Variants in ANK2 observed in about 807,000 individuals in gnomAD.
ANK2 encodes the protein ankyrin 2.
In ANK2, 83 loss-of-function variants were observed where a neutral mutation model predicts 360.5. The ratio of observed to expected loss-of-function variants is 0.23; its 90% CI spans 0.19 to 0.28. ANK2 has a LOEUF of 0.28. Ranked by LOEUF, ANK2 falls within the 10% of genes least tolerant of loss-of-function variation. The pLI is 1.00. For synonymous variants in ANK2, 1,740 were observed against 1,759.5 expected (o/e 0.99, Z 0.28); for missense variants, 4,201 against 4,795.7 (o/e 0.88, Z 3.66).
At chr4:112,930,504 AC>A (rs1234854893) in intron 2 of ANK2, among the ~76,000 whole-genome samples, 1 of 151,656 alleles carries the variant, frequency 6.6e-6, no homozygotes, top group Non-Finnish European at 1.5e-5. Flanking sequence ...TGCTACCTCT[AC>A]CCAGGCAGGG....
intron 24 of ANK2, among the ~76,000 whole-genome samples, chr4:113,313,866 A>G (rs1010796370): frequency 6.6e-6 from 1 of 152,150 alleles, no homozygotes; most frequent in African/African-American, 2.4e-5. Context: ...TAAAATAAAT[A>G]TTTTTATGTA....
At chr4:113,225,801 A>G (rs1439446854) in intron 4 of ANK2, among the ~76,000 whole-genome samples, 1 of 152,208 alleles carries the variant, frequency 6.6e-6, no homozygotes, top group African/African-American at 2.4e-5. Context: ...TCAATTTGTC[A>G]AGATAATCCA....
chr4:112,743,921 C>G, the ANK2 span, among the ~76,000 whole-genome samples: 4 of 151,852 alleles, frequency 2.6e-5, no homozygotes, highest in African/African-American at 9.7e-5. Flanking sequence ...CTCTGCCTGC[C>G]GGGTTCATCC....
At chr4:112,865,950 T>C (rs2070347861) in intron 1 of ANK2, among the ~76,000 whole-genome samples, 1 of 152,210 alleles carries the variant, frequency 6.6e-6, no homozygotes, top group Admixed American at 6.5e-5. Context: ...TAAACAATGT[T>C]TTGTGTGAAA....
At chr4:113,136,173 A>C (rs570491070) in intron 1 of ANK2, among the ~76,000 whole-genome samples, 62 of 152,282 alleles carry the variant, frequency 4.1e-4, no homozygotes, top group African/African-American at 1.2e-3. Context: ...ACTAGGGACA[A>C]ACAGACAAAT....
In ANK2 at chr4:113,341,929, AAATAAT is replaced by A. The variant is rs770262538; in HGVS notation, c.4122+23_4122+28del. ...CAGGGATGTGGAGGTACTGTACCAA[AAATAAT>A]AATAATAATTTATGCCATGTTGTTA... On this transcript the variant is annotated intron_variant, in intron 33 of 45. Transcript: ENST00000357077. 6.4e-7 allele frequency: 1 copy of A among 1,556,342 alleles called. No homozygotes were observed. The highest frequency in any genetic ancestry group is 8.8e-7 in the Non-Finnish European group (1 of 1,131,894).
At chr4:112,918,774 G>A (rs912916642) in intron 2 of ANK2, among the ~76,000 whole-genome samples, 2 of 152,024 alleles carry the variant, frequency 1.3e-5, no homozygotes, top group Admixed American at 6.6e-5. Context: ...TTTGCTTTCT[G>A]TTTTTGAAAA....
chr4:112,845,927 A>T (rs986809701), intron 1 of ANK2, among the ~76,000 whole-genome samples: 2 of 152,188 alleles, frequency 1.3e-5, no homozygotes, highest in Admixed American at 1.3e-4. Context: ...GGCGTGCCCA[A>T]CCAGATCCAG....
chr4:113,086,537 C>T (rs1026116455), intron 1 of ANK2, among the ~76,000 whole-genome samples: 4 of 152,174 alleles, frequency 2.6e-5, no homozygotes, highest in African/African-American at 9.7e-5. Flanking sequence ...AAAGTCCATG[C>T]CCTTGTGGCA....
chr4:113,237,394 T>G (rs2099391884), intron 6 of ANK2, among the ~76,000 whole-genome samples: 1 of 152,256 alleles, frequency 6.6e-6, no homozygotes, highest in Non-Finnish European at 1.5e-5. Context: ...TTTAGAAATC[T>G]GCTTTCTTAT....
chr4:113,293,874 C>T (rs29338), intron 22 of ANK2, among the ~76,000 whole-genome samples: 6 of 152,254 alleles, frequency 3.9e-5, no homozygotes, highest in South Asian at 2.1e-4. Context: ...GCTGGCAAAG[C>T]GGTAACACAC....
intron 1 of ANK2, among the ~76,000 whole-genome samples, chr4:113,110,050 G>A (rs1162751024): frequency 1.3e-5 from 2 of 152,230 alleles, no homozygotes; most frequent in East Asian, 3.9e-4. Context: ...TTATTAGTCC[G>A]TTCTCATACT....
At chr4:113,096,834 C>T (rs1277534523) in intron 1 of ANK2, among the ~76,000 whole-genome samples, 1 of 151,980 alleles carries the variant, frequency 6.6e-6, no homozygotes, top group Non-Finnish European at 1.5e-5. Context: ...TGCCACAATA[C>T]TTATGCAAGT....
At chr4:112,728,570 G>T in the ANK2 span, among the ~76,000 whole-genome samples, 1 of 151,796 alleles carries the variant, frequency 6.6e-6, no homozygotes, top group African/African-American at 2.4e-5. Flanking sequence ...GGGCAAAATG[G>T]CAAAACCCTG....
the ANK2 span, among the ~76,000 whole-genome samples, chr4:112,809,256 A>T: frequency 6.6e-6 from 1 of 150,940 alleles, no homozygotes; most frequent in Non-Finnish European, 1.5e-5. Context: ...TTAAATGTTA[A>T]ATGGTTAGAA....
intron 2 of ANK2, among the ~76,000 whole-genome samples, chr4:112,915,768 AT>A (rs201979095): frequency 0.011 from 1,660 of 149,812 alleles, 32 homozygotes; most frequent in African/African-American, 0.04. Context: ...AAAAAAATAA[AT>A]AAATAAATAA....
intron 2 of ANK2, 31 bp from the exon 3 acceptor site, chr4:113,196,336 CT>C (rs2098747809): frequency 6.4e-7 from 1 of 1,574,052 alleles, no homozygotes; most frequent in African/African-American, 1.3e-5. Context: ...CATTACTTCA[CT>C]TCTTAAAGCC....
chr4:112,952,926 G>A (rs2095117889), intron 2 of ANK2, among the ~76,000 whole-genome samples: 1 of 152,160 alleles, frequency 6.6e-6, no homozygotes, highest in African/African-American at 2.4e-5. Context: ...GAGAGATTAG[G>A]AGATTATATT....
the ANK2 span, among the ~76,000 whole-genome samples, chr4:112,795,530 G>C: frequency 6.6e-6 from 1 of 152,160 alleles, no homozygotes; most frequent in African/African-American, 2.4e-5. Context: ...CCGAGATGGA[G>C]TCTCGCTCTG....
Sources: gnomAD v4.1 joint callset for allele counts (sites outside exome capture counted in the v4.1 genomes callset) on GRCh38, gnomAD v4.1.1 for gene constraint, MANE v1.5 for transcripts, NCBI Gene and HGNC (gene_info 2026-07-23, HGNC 2026-07-21) for gene names.